PTPRM: variants seen among roughly 807,000 people sequenced by gnomAD.
PTPRM encodes the protein protein tyrosine phosphatase receptor type M.
In PTPRM, 47 loss-of-function variants were observed where a neutral mutation model predicts 186.7. The observed-to-expected ratio is 0.25, with a 90% CI of 0.20 to 0.32. The LOEUF is 0.32. Among genes scored for constraint, PTPRM ranks in the 10% least tolerant of loss-of-function variants. The pLI, the probability that PTPRM is intolerant of heterozygous loss-of-function variation, is 1.00. For synonymous variants in PTPRM, 668 were observed against 674.9 expected (o/e 0.99, Z 0.16); for missense variants, 1,494 against 1,865.0 (o/e 0.80, Z 3.66).
At chr18:7,939,245 T>G (rs1006330911) in intron 5 of PTPRM, among the ~76,000 whole-genome samples, 1 of 151,270 alleles carries the variant, frequency 6.6e-6, no homozygotes, top group African/African-American at 2.4e-5. Flanking sequence ...AATCCCCACC[T>G]GTATGTCTGA....
chr18:8,330,334 T>A (rs2148152669), intron 22 of PTPRM, among the ~76,000 whole-genome samples: 1 of 152,316 alleles, frequency 6.6e-6, no homozygotes, highest in Non-Finnish European at 1.5e-5. Context: ...AGGAAGCTGC[T>A]GGAAATTTCC....
intron 3 of PTPRM, among the ~76,000 whole-genome samples, chr18:7,893,539 C>T (rs1456154375): frequency 6.6e-6 from 1 of 152,190 alleles, no homozygotes; most frequent in African/African-American, 2.4e-5. Context: ...ATATTGTTAA[C>T]ACTGGCCGCC....
intron 7 of PTPRM, among the ~76,000 whole-genome samples, chr18:7,962,203 C>T (rs2053728018): frequency 6.6e-6 from 1 of 151,996 alleles, no homozygotes; most frequent in Non-Finnish European, 1.5e-5. Flanking sequence ...TTCTTGTATG[C>T]CTGCCTTGTT....
At position 7,765,291 on chromosome 18, in the gene PTPRM, C is replaced by T. The variant is rs146586697; in HGVS notation, c.74-8858C>T. Among the ~76,000 whole-genome samples the T allele has an allele frequency of 1.3e-4, 20 of 152,232 alleles. No individual in the cohort carries two copies. The East Asian group carries it at 2.9e-3, about 22-fold the overall frequency. On this transcript the variant is annotated intron_variant, in intron 1 of 32. Coordinates refer to ENST00000580170, the MANE Select transcript of PTPRM (RefSeq NM_001105244.2). ...TTTGTATCATATAAAATATATCCAT[C>T]GGCAAATAGCACTTCTTATAATAGA...
chr18:7,649,586 G>T (rs1002483798), intron 1 of PTPRM, among the ~76,000 whole-genome samples: 1 of 152,020 alleles, frequency 6.6e-6, no homozygotes, highest in Non-Finnish European at 1.5e-5. Flanking sequence ...TCCAACCCTC[G>T]TGAATGACTT....
chr18:7,998,869 G>C (rs73383874), intron 7 of PTPRM, among the ~76,000 whole-genome samples: 2,254 of 152,214 alleles, frequency 0.015, 67 homozygotes, highest in African/African-American at 0.052. Flanking sequence ...TGGTAAGGCT[G>C]ATCTCAAACT....
intron 1 of PTPRM, among the ~76,000 whole-genome samples, chr18:7,767,556 G>A (rs148233610): frequency 1.0e-3 from 158 of 152,216 alleles, no homozygotes; most frequent in African/African-American, 3.7e-3. Flanking sequence ...ATGACTTAAT[G>A]ATTTCATACT....
At chr18:7,723,622 C>T (rs1326778147) in intron 1 of PTPRM, among the ~76,000 whole-genome samples, 1 of 152,176 alleles carries the variant, frequency 6.6e-6, no homozygotes, top group African/African-American at 2.4e-5. Flanking sequence ...GTTTCCTCTG[C>T]CCACCAGCTT....
At chr18:8,200,547 C>T (rs2093841111) in intron 14 of PTPRM, among the ~76,000 whole-genome samples, 1 of 152,226 alleles carries the variant, frequency 6.6e-6, no homozygotes, top group Admixed American at 6.5e-5. Context: ...AGTCTCTGTT[C>T]TGGGGAACTG....
At chr18:8,023,791 ATAAT>A (rs2147987954) in intron 7 of PTPRM, among the ~76,000 whole-genome samples, 1 of 151,786 alleles carries the variant, frequency 6.6e-6, no homozygotes, top group East Asian at 1.9e-4. Context: ...TACAATGTAA[ATAAT>A]AATTCTTTGC....
At chr18:7,596,213 G>C (rs1048748557) in intron 1 of PTPRM, among the ~76,000 whole-genome samples, 2 of 152,112 alleles carry the variant, frequency 1.3e-5, no homozygotes, top group African/African-American at 4.8e-5. Flanking sequence ...ACCAGAGAAC[G>C]GAGTCAGCTA....
At chr18:8,215,214 T>C (rs756482993) in intron 14 of PTPRM, among the ~76,000 whole-genome samples, 3 of 152,096 alleles carry the variant, frequency 2.0e-5, no homozygotes, top group Non-Finnish European at 2.9e-5. Context: ...TTCCACATAA[T>C]ACAATAAAGG....
intron 23 of PTPRM, among the ~76,000 whole-genome samples, chr18:8,362,450 C>T (rs1439053474): frequency 1.4e-4 from 22 of 152,216 alleles, no homozygotes; most frequent in South Asian, 8.3e-4. Context: ...CAAAGTGTAG[C>T]ATCAAAGTGC....
chr18:8,290,544 T>C (rs1383619548), intron 19 of PTPRM, among the ~76,000 whole-genome samples: 1 of 152,160 alleles, frequency 6.6e-6, no homozygotes, highest in African/African-American at 2.4e-5. Flanking sequence ...GGAAGGAGGT[T>C]ATTAAATCAC....
intron 20 of PTPRM, among the ~76,000 whole-genome samples, chr18:8,304,364 A>G (rs907545853): frequency 1.3e-5 from 2 of 152,194 alleles, no homozygotes; most frequent in Non-Finnish European, 2.9e-5. Context: ...ATGCCTATGT[A>G]CACGGGGGGA....
intron 14 of PTPRM, among the ~76,000 whole-genome samples, chr18:8,226,016 C>T (rs2094209334): frequency 6.6e-6 from 1 of 152,172 alleles, no homozygotes; most frequent in South Asian, 2.1e-4. Context: ...GGCTGAATAA[C>T]ATTTGAAAAG....
rs745768573 is a variant in PTPRM at position 7,955,229 on chromosome 18, G to A, written c.947G>A (p.Arg316Gln). 3.7e-6 allele frequency: 6 copies of A among 1,614,148 alleles called. No individual in the cohort carries two copies. Among genetic ancestry groups the A allele is most frequent in the Admixed American group, 3.3e-5 (2 of 60,016 alleles). The change falls in exon 7 of 33, where the codon CGA (arginine) becomes CAA (glutamine). Residue 316 changes from arginine to glutamine, a missense_variant. Coordinates refer to ENST00000580170, the MANE Select transcript of PTPRM (RefSeq NM_001105244.2). ...AATGGGGATGGGCCCATTGTGGCCC[G>A]AGAGGTGGAGTACTGCACGGCCAGT... is the stretch of plus-strand genomic sequence containing the variant. ...SINGDGPIVA[R>Q]EVEYCTASGS...
In PTPRM at chr18:8,199,672, A is replaced by T. The variant is rs375751297; in HGVS notation, c.2301-44386A>T. Among the ~76,000 whole-genome samples, 74 of 152,316 alleles carry T rather than the reference A, an allele frequency of 4.9e-4. No homozygotes were observed. In the East Asian group the frequency reaches 0.01, roughly 21 times the overall value. ...CACAGGGACAAGATTCATTGAAGTG[A>T]AGGTATTTCACTTCCAACTGTCCTA... On this transcript the variant is annotated intron_variant, in intron 14 of 32. Coordinates refer to ENST00000580170, the MANE Select transcript of PTPRM (RefSeq NM_001105244.2).
intron 14 of PTPRM, among the ~76,000 whole-genome samples, chr18:8,228,257 T>C (rs939467088): frequency 6.6e-6 from 1 of 152,084 alleles, no homozygotes; most frequent in Admixed American, 6.5e-5. Context: ...GGGGCACTCC[T>C]GCTCCAGGCC....
Sources: gnomAD v4.1 joint callset for allele counts (sites outside exome capture counted in the v4.1 genomes callset) on GRCh38, gnomAD v4.1.1 for gene constraint, MANE v1.5 for transcripts, NCBI Gene and HGNC (gene_info 2026-07-23, HGNC 2026-07-21) for gene names.